DDX4: variants seen among roughly 807,000 people sequenced by gnomAD.
DDX4 encodes probable ATP-dependent RNA helicase DDX4.
A neutral mutation model predicts 100.0 loss-of-function variants in DDX4; 25 were observed. The ratio of observed to expected loss-of-function variants is 0.25; its 90% CI spans 0.18 to 0.35. DDX4 has a LOEUF of 0.35. DDX4 is among the 10% of genes least tolerant of loss of function. DDX4 has a pLI of 1.00. For missense variants in DDX4, 635 were observed against 882.4 expected, an observed-to-expected ratio of 0.72 and a Z score of 3.55; for synonymous variants, 259 against 275.7, an observed-to-expected ratio of 0.94 and a Z score of 0.60.
chr5:55,776,620 A>G (rs1255093376), intron 7 of DDX4, among the ~76,000 whole-genome samples: 1 of 152,238 alleles, frequency 6.6e-6, no homozygotes, highest in Non-Finnish European at 1.5e-5. Flanking sequence ...ATAGCATAGT[A>G]TATTCAGAAT....
intron 2 of DDX4, among the ~76,000 whole-genome samples, chr5:55,740,085 G>A (rs1017071252): frequency 6.6e-6 from 1 of 152,108 alleles, no homozygotes; most frequent in African/African-American, 2.4e-5. Flanking sequence ...TTTGGGAAAA[G>A]TGGAGAAAGT....
At chr5:55,797,653 A>C (rs1220939597) in intron 17 of DDX4, among the ~76,000 whole-genome samples, 2 of 152,180 alleles carry the variant, frequency 1.3e-5, no homozygotes, top group African/African-American at 2.4e-5. Context: ...CATTGAAGAG[A>C]GATTTGGGCC....
In DDX4 at chr5:55,767,875, T is replaced by C; in HGVS notation, c.335-6T>C. ...ATGCTATTTACATGTTAAATTTTTA[T>C]TGAAGAGTCTAGTAATGACTGCGAA... is the stretch of plus-strand genomic sequence containing the variant. On this transcript the variant is annotated splice_polypyrimidine_tract_variant and splice_region_variant and intron_variant, in intron 6 of 21. Coordinates refer to ENST00000505374, the MANE Select transcript of DDX4 (RefSeq NM_024415.3). The C allele has an allele frequency of 3.7e-6, 6 of 1,609,540 alleles. No homozygotes were observed. Among genetic ancestry groups the C allele is most frequent in the Non-Finnish European group, 5.1e-6 (6 of 1,177,396 alleles).
intron 3 of DDX4, among the ~76,000 whole-genome samples, chr5:55,755,027 T>TC (rs1406480638): frequency 6.6e-6 from 1 of 152,154 alleles, no homozygotes; most frequent in African/African-American, 2.4e-5. Flanking sequence ...TCCCTTTTTT[T>TC]CAATATGGTG....
rs1192782639 is a variant in DDX4 at position 55,739,142 on chromosome 5, G to T, written c.69+110G>T. 7 of 699,352 alleles carry T rather than the reference G, an allele frequency of 1.0e-5. No individual in the cohort carries two copies. The Admixed American group carries it at 1.5e-4, about 15-fold the overall frequency. 43.3% of individuals were successfully genotyped at this position (699,352 alleles called of 1,614,324 possible). On this transcript the variant is annotated intron_variant, in intron 2 of 21. Coordinates refer to ENST00000505374, the MANE Select transcript of DDX4 (RefSeq NM_024415.3). Reference sequence around the variant, plus strand: ...AGTCTGTGTCAGTGTTTATCTCCATGTGATTGTTATTAACTATTATATGGG... The same window carrying T: ...AGTCTGTGTCAGTGTTTATCTCCATTTGATTGTTATTAACTATTATATGGG...
rs372762321 is a variant in DDX4 at position 55,815,278 on chromosome 5, C to CT, written c.1987-32dup. On this transcript the variant is annotated intron_variant, in intron 20 of 21. Transcript: ENST00000505374. ...AAGTAAACTTTTCCAATATTTAATA[C>CT]TTTATGTTGCATATGAAGTCAATTT... is the stretch of plus-strand genomic sequence containing the variant. 1,159 of 1,599,718 alleles carry CT rather than the reference C, an allele frequency of 7.2e-4. 8 individuals are homozygous for CT. The African/African-American group carries it at 0.014, about 20-fold the overall frequency.
At chr5:55,771,600 G>C (rs1261312619) in intron 7 of DDX4, among the ~76,000 whole-genome samples, 1 of 152,156 alleles carries the variant, frequency 6.6e-6, no homozygotes, top group Non-Finnish European at 1.5e-5. Context: ...AAGAAGAATT[G>C]CTAGGTCATA....
chr5:55,786,143 T>A (rs1742231935), intron 13 of DDX4, among the ~76,000 whole-genome samples: 1 of 152,194 alleles, frequency 6.6e-6, no homozygotes, highest in African/African-American at 2.4e-5. Context: ...TTCAAGATGT[T>A]TTCCCAAGAT....
intron 18 of DDX4, among the ~76,000 whole-genome samples, chr5:55,806,334 C>G (rs1303184755): frequency 6.6e-6 from 1 of 152,260 alleles, no homozygotes; most frequent in African/African-American, 2.4e-5. Flanking sequence ...TTCAGTTCTG[C>G]TCTGATCTTA....
At chr5:55,816,058 T>C (rs1267420669) in intron 21 of DDX4, among the ~76,000 whole-genome samples, 2 of 151,614 alleles carry the variant, frequency 1.3e-5, no homozygotes, top group African/African-American at 4.8e-5. Flanking sequence ...AGTGCTGAGA[T>C]TACAGGCGTG....
chr5:55,809,888 A>C (rs12518406), intron 18 of DDX4, among the ~76,000 whole-genome samples: 16,467 of 152,260 alleles, frequency 0.11, 1,369 homozygotes, highest in East Asian at 0.29. Context: ...TGCATCAGGC[A>C]GCATACCTTC....
rs1759290242 is a variant in DDX4 at position 55,747,186 on chromosome 5, TC to T, written c.127+967del. Among the ~76,000 whole-genome samples the T allele has an allele frequency of 2.6e-5, 4 of 152,156 alleles. No homozygotes were observed. The South Asian group carries it at 8.3e-4, about 32-fold the overall frequency. ...TCACAAGGTCAAGAGATTGAGACCA[TC>T]CTGACCAACATGGTGAAACCCCGTC... On this transcript the variant is annotated intron_variant, in intron 3 of 21. Transcript: ENST00000505374.
At chr5:55,772,265 G>A (rs1306775351) in intron 7 of DDX4, among the ~76,000 whole-genome samples, 1 of 152,030 alleles carries the variant, frequency 6.6e-6, no homozygotes, top group East Asian at 1.9e-4. Flanking sequence ...ATATAATGTG[G>A]GAATCAATAT....
chr5:55,754,023 G>A (rs1368753717), intron 3 of DDX4, among the ~76,000 whole-genome samples: 3 of 126,266 alleles, frequency 2.4e-5, no homozygotes, highest in African/African-American at 9.0e-5. Context: ...CATTGATTTT[G>A]TATCCTGAGA....
Position 55,763,951 on chromosome 5 carries a change from CTG to C in DDX4, c.284-58_284-57del, listed in dbSNP as rs1365008468. The stretch of plus-strand genomic sequence containing the variant: ...TAGAAGGCATCATAACTAGTAGTTC[CTG>C]TGTGGTTATCATTTTTACCACAGAG... On this transcript the variant is annotated intron_variant, in intron 5 of 21. Transcript: ENST00000505374. 2.6e-6 allele frequency: 3 copies of C among 1,157,084 alleles called. No individual in the cohort carries two copies. In the African/African-American group the frequency reaches 4.5e-5, roughly 18 times the overall value. The allele number at this position is 1,157,084 out of a possible 1,614,324, so 71.7% of individuals were successfully genotyped here. A position where few individuals can be genotyped will look rare whatever the true frequency, so the allele number is the denominator to read the frequency against.
At chr5:55,777,340 A>G (rs1741627597) in intron 7 of DDX4, 1 of 152,218 alleles carries the variant, frequency 6.6e-6, no homozygotes, top group Non-Finnish European at 1.5e-5. Flanking sequence ...ATGGTGGCTC[A>G]TGCTTGTAAT....
In DDX4 at chr5:55,812,580, G is replaced by A. The variant is rs370594658; in HGVS notation, c.1616-1093G>A. Among the ~76,000 whole-genome samples, 13 of 151,448 alleles carry A rather than the reference G, an allele frequency of 8.6e-5. No individual in the cohort carries two copies. The South Asian group carries it at 1.7e-3, about 19-fold the overall frequency. ...TGCACTCCAGCCTGGGCAACAGAGC[G>A]AGACTGCGTCTCAAAAAAAAAAAAA... On this transcript the variant is annotated intron_variant, in intron 18 of 21. Coordinates refer to ENST00000505374, the MANE Select transcript of DDX4 (RefSeq NM_024415.3).
intron 7 of DDX4, among the ~76,000 whole-genome samples, chr5:55,770,412 A>G (rs960706121): frequency 5.3e-5 from 8 of 152,164 alleles, no homozygotes; most frequent in African/African-American, 1.7e-4. Context: ...TTCAGCTTCT[A>G]TTGAATTTGA....
At chr5:55,746,548 G>A (rs554878146) in intron 3 of DDX4, among the ~76,000 whole-genome samples, 2 of 152,172 alleles carry the variant, frequency 1.3e-5, no homozygotes, top group Non-Finnish European at 2.9e-5. Context: ...GGACTATAAG[G>A]TTGTCGAAGC....
Sources: gnomAD v4.1 joint callset for allele counts (sites outside exome capture counted in the v4.1 genomes callset) on GRCh38, gnomAD v4.1.1 for gene constraint, MANE v1.5 for transcripts, NCBI Gene and HGNC (gene_info 2026-07-23, HGNC 2026-07-21) for gene names.